Variants in FHOD3 observed in about 807,000 individuals in gnomAD.
The protein encoded by FHOD3 is FH1/FH2 domain-containing protein 3.
Under a neutral mutation model 173.0 loss-of-function variants are expected in FHOD3, and 90 were observed. The observed-to-expected ratio is 0.52, with a 90% CI of 0.44 to 0.62. The LOEUF is 0.62. FHOD3 is among the 20% of genes least tolerant of loss of function. FHOD3 has a pLI of 0.00. For synonymous variants in FHOD3, 828 were observed against 823.0 expected (o/e 1.01, Z -0.10); for missense variants, 1,945 against 2,034.7 (o/e 0.96, Z 0.85).
At chr18:36,601,264 T>C (rs2031341676) in intron 7 of FHOD3, among the ~76,000 whole-genome samples, 2 of 152,212 alleles carry the variant, frequency 1.3e-5, no homozygotes, top group African/African-American at 4.8e-5. Flanking sequence ...AGCAAAAGGC[T>C]TTCTATTCAC....
chr18:36,602,558 G>T, intron 7 of FHOD3, 116 bp from the exon 8 acceptor site: 1 of 782,492 alleles, frequency 1.3e-6, no homozygotes, highest in Non-Finnish European at 2.3e-6. Context: ...TTTGAAATTT[G>T]GTGACTGAAA....
At chr18:36,346,713 T>G (rs1275986937) in intron 1 of FHOD3, among the ~76,000 whole-genome samples, 1 of 152,178 alleles carries the variant, frequency 6.6e-6, no homozygotes, top group Non-Finnish European at 1.5e-5. Context: ...TCCATTTGTC[T>G]TCCCTCTTCC....
chr18:36,617,610 T>TGTGTGTGTGC (rs1555783663), intron 9 of FHOD3, among the ~76,000 whole-genome samples: 15,458 of 145,474 alleles, frequency 0.11, 922 homozygotes, highest in East Asian at 0.18. Flanking sequence ...TGTGTGTGTG[T>TGTGTGTGTGC]GTGTGTGTGC....
At chr18:36,442,658 C>CTTAT (rs2143837151) in intron 3 of FHOD3, among the ~76,000 whole-genome samples, 1 of 152,226 alleles carries the variant, frequency 6.6e-6, no homozygotes, top group African/African-American at 2.4e-5. Context: ...TGTAGATTTC[C>CTTAT]TTATACCCTT....
At chr18:36,692,213 A>G (rs1406047819) in intron 16 of FHOD3, among the ~76,000 whole-genome samples, 1 of 152,228 alleles carries the variant, frequency 6.6e-6, no homozygotes, top group Non-Finnish European at 1.5e-5. Context: ...AAATATTTTA[A>G]TTATGTGCTC....
At chr18:36,744,269 C>A in intron 23 of FHOD3, 76 bp downstream of exon 23, 1 of 1,486,998 alleles carries the variant, frequency 6.7e-7, no homozygotes. Context: ...CCTCGAGGAA[C>A]ACGAGCCCTA....
intron 3 of FHOD3, among the ~76,000 whole-genome samples, chr18:36,429,143 C>G (rs542116092): frequency 1.3e-5 from 2 of 152,276 alleles, no homozygotes; most frequent in South Asian, 4.1e-4. Flanking sequence ...GAAGTCCCTG[C>G]CACCAGGAAG....
At chr18:36,530,958 C>T (rs185123934) in intron 5 of FHOD3, among the ~76,000 whole-genome samples, 6 of 152,262 alleles carry the variant, frequency 3.9e-5, no homozygotes, top group Non-Finnish European at 8.8e-5. Flanking sequence ...AAAGACTTTT[C>T]CTTGGCCTAT....
chr18:36,460,026 C>T (rs1394480428), intron 3 of FHOD3, among the ~76,000 whole-genome samples: 1 of 152,166 alleles, frequency 6.6e-6, no homozygotes, highest in Non-Finnish European at 1.5e-5. Context: ...TAAAGTGTCC[C>T]TCGATTGTGA....
chr18:36,606,115 A>G (rs536344610), intron 8 of FHOD3, among the ~76,000 whole-genome samples: 64 of 152,326 alleles, frequency 4.2e-4, no homozygotes, highest in African/African-American at 1.4e-3. Flanking sequence ...CAGTGGGGCT[A>G]GGGGATAACT....
chr18:36,335,730 G>T (rs572052647), intron 1 of FHOD3, among the ~76,000 whole-genome samples: 3 of 152,104 alleles, frequency 2.0e-5, no homozygotes, highest in Non-Finnish European at 4.4e-5. Context: ...GCCTCATACG[G>T]ATGCTGCTGC....
At chr18:36,383,943 A>G (rs962096262) in intron 3 of FHOD3, among the ~76,000 whole-genome samples, 14 of 152,184 alleles carry the variant, frequency 9.2e-5, no homozygotes, top group Non-Finnish European at 2.1e-4. Flanking sequence ...TGCTCCAGGT[A>G]TCTGAACCCT....
rs115650995 is a variant in FHOD3 at position 36,648,655 on chromosome 18, C to A, written c.1197-661C>A. Among the ~76,000 whole-genome samples, 1,319 of 152,204 alleles carry A rather than the reference C, an allele frequency of 8.7e-3. 12 individuals carry two copies. The highest frequency in any genetic ancestry group is 0.03 in the African/African-American group (1,254 of 41,514). On this transcript the variant is annotated intron_variant, in intron 10 of 28. Transcript: ENST00000590592. ...TCAGGGTGTCCTTATAGTGAGTCATCCCTGATGGTACCAGGAGAAACCCCA... is the reference window on the plus strand; with the variant it reads ...TCAGGGTGTCCTTATAGTGAGTCATACCTGATGGTACCAGGAGAAACCCCA...
intron 10 of FHOD3, 27 bp from the exon 11 acceptor site, chr18:36,649,289 A>G (rs1313859248): frequency 2.6e-6 from 4 of 1,525,038 alleles, no homozygotes; most frequent in Non-Finnish European, 3.5e-6. Flanking sequence ...GTCTGTGTGC[A>G]TTTCTCTTTT....
intron 11 of FHOD3, among the ~76,000 whole-genome samples, chr18:36,650,915 G>A (rs1213899841): frequency 1.3e-5 from 2 of 152,134 alleles, no homozygotes; most frequent in Admixed American, 1.3e-4. Flanking sequence ...GATGCCAGAG[G>A]GCATCCTTTA....
At chr18:36,445,467 A>G (rs994623122) in intron 3 of FHOD3, among the ~76,000 whole-genome samples, 5 of 152,170 alleles carry the variant, frequency 3.3e-5, no homozygotes, top group African/African-American at 1.2e-4. Context: ...ATTCTAATGT[A>G]TGGAAAGTAC....
chr18:36,774,701 ATAG>A (rs564322401), intron 28 of FHOD3, among the ~76,000 whole-genome samples: 170 of 152,356 alleles, frequency 1.1e-3, no homozygotes, highest in South Asian at 4.3e-3. Context: ...AGTTGCAAAA[ATAG>A]TAGGACAATT....
chr18:36,606,768 C>T (rs543736521), intron 8 of FHOD3, among the ~76,000 whole-genome samples: 5 of 152,272 alleles, frequency 3.3e-5, no homozygotes, highest in Admixed American at 1.3e-4. Context: ...TTCCAAAATA[C>T]GTTGGAACTG....
Position 36,709,119 on chromosome 18 carries a change from A to G in FHOD3, c.2261A>G (p.Glu754Gly). 6.2e-7 allele frequency: 1 copy of G among 1,613,464 alleles called. No homozygotes were observed. ...PQASAGDPEP[E>G]SEAEPEAEAG... Reference sequence around the variant, plus strand: ...GCAAGTGCCGGGGATCCTGAACCCGAATCAGAGGCAGAACCGGAAGCAGAG... The same window carrying G: ...GCAAGTGCCGGGGATCCTGAACCCGGATCAGAGGCAGAACCGGAAGCAGAG... The change falls in exon 18 of 29, where the codon GAA becomes GGA. Residue 754 changes from glutamate (E) to glycine (G), a missense_variant. Transcript: ENST00000590592.
Sources: allele counts gnomAD v4.1 joint callset (sites outside exome capture counted in the v4.1 genomes callset), GRCh38; gene constraint gnomAD v4.1.1; transcripts MANE v1.5; gene names NCBI Gene and HGNC (gene_info 2026-07-23, HGNC 2026-07-21).